The following HAUS2 variants were observed in gnomAD, a reference collection of about 807,000 sequenced individuals.
HAUS2 encodes the protein HAUS augmin like complex subunit 2.
Under a neutral mutation model 21.6 loss-of-function variants are expected in HAUS2, and 20 were observed. The ratio of observed to expected loss-of-function variants is 0.93; its 90% confidence interval spans 0.65 to 1.35. HAUS2 has a LOEUF of 1.35. Ranked by LOEUF, HAUS2 falls within the 40% of genes most tolerant of loss-of-function variation. The pLI is 0.00. For missense variants in HAUS2, 297 were observed against 280.7 expected (o/e 1.06, Z -0.42); for synonymous variants, 113 against 95.6 (o/e 1.18, Z -1.06).
Position 42,555,280 on chromosome 15 carries a change from C to T in HAUS2, c.94-2918C>T, listed in dbSNP as rs1426854408. ...GGATTACAGCCGTGAGCCACGGCGC[C>T]CGGCTGCCTGGCTAATTTTTTTAAT... On this transcript the variant is annotated intron_variant, in intron 1 of 5. Coordinates refer to ENST00000260372, the MANE Select transcript of HAUS2 (RefSeq NM_018097.3). Among the ~76,000 whole-genome samples the T allele has an allele frequency of 2.6e-5, 4 of 152,140 alleles. No individual in the cohort carries two copies. The East Asian group carries it at 5.8e-4, about 22-fold the overall frequency.
chr15:42,553,221 A>G (rs978412320), intron 1 of HAUS2, among the ~76,000 whole-genome samples: 3 of 151,960 alleles, frequency 2.0e-5, no homozygotes, highest in African/African-American at 7.2e-5. Flanking sequence ...TCCTGACCTC[A>G]TGATCCACCT....
intron 1 of HAUS2, among the ~76,000 whole-genome samples, chr15:42,550,159 C>T (rs2057707620): frequency 3.3e-5 from 5 of 151,972 alleles, no homozygotes; most frequent in Admixed American, 1.3e-4. Flanking sequence ...AACTACTCCG[C>T]GGACCACATG....
Position 42,566,680 on chromosome 15 carries a change from G to A in HAUS2, c.572G>A (p.Arg191His), listed in dbSNP as rs777814162. 25 of 1,603,850 alleles carry A rather than the reference G, an allele frequency of 1.6e-5. No homozygotes were observed. The highest frequency in any genetic ancestry group is 2.0e-5 in the Non-Finnish European group (23 of 1,170,888). ...CTGGCAGAGAATATACTCAAGTGGCGTAAACAACAAAACGAAGTTTCGTCT... is the reference window on the plus strand; with the variant it reads ...CTGGCAGAGAATATACTCAAGTGGCATAAACAACAAAACGAAGTTTCGTCT... ...EELAENILKWRKQQNEVSSCI... is the reference protein window; with the variant it reads ...EELAENILKWHKQQNEVSSCI... Residue 191 changes from arginine to histidine, a missense_variant, in exon 6 of 6, where the codon CGT becomes CAT. Transcript: ENST00000260372.
At position 42,568,705 on chromosome 15, in the gene HAUS2, A is replaced by G. The variant is rs1385672800; in HGVS notation, c.*1889A>G. On this transcript the variant is annotated 3_prime_UTR_variant, in exon 6 of 6. Transcript: ENST00000260372. ...CCTACGTGACCAGCCCCCAGTAAAA[A>G]CCCTGGGCACTGTATCTCTAACAAG... 3 of 152,002 alleles carry G rather than the reference A, an allele frequency of 2.0e-5. No individual in the cohort carries two copies. The East Asian group carries it at 5.8e-4, about 29-fold the overall frequency. 9.4% of individuals were successfully genotyped at this position (152,002 alleles called of 1,614,324 possible).
At chr15:42,556,538 C>T (rs556878119) in intron 1 of HAUS2, among the ~76,000 whole-genome samples, 40 of 151,970 alleles carry the variant, frequency 2.6e-4, no homozygotes, top group Non-Finnish European at 2.4e-4. Flanking sequence ...TTCGGGATTA[C>T]GGGCATGAGC....
chr15:42,566,993 AT>A lies in HAUS2; in HGVS notation c.*178del, dbSNP rs551624354. 1.6e-4 allele frequency: 71 copies of A among 453,144 alleles called. No individual in the cohort carries two copies. The Admixed American group carries it at 2.0e-3, about 13-fold the overall frequency. 28.1% of individuals were successfully genotyped at this position (453,144 alleles called of 1,614,324 possible). A position where few individuals can be genotyped will look rare whatever the true frequency, so the allele number is the denominator to read the frequency against. ...AACTGACTTTTCCTTTGTTTTTCAT[AT>A]ATTTTTATTCTACCTTTCAGTAAAA... is the stretch of plus-strand genomic sequence containing the variant. On this transcript the variant is annotated 3_prime_UTR_variant, in exon 6 of 6. Coordinates refer to ENST00000260372, the MANE Select transcript of HAUS2 (RefSeq NM_018097.3).
intron 1 of HAUS2, among the ~76,000 whole-genome samples, chr15:42,549,307 G>C (rs2057694317): frequency 1.3e-5 from 2 of 152,130 alleles, no homozygotes; most frequent in Admixed American, 6.6e-5. Context: ...GGAAATACGG[G>C]TCGTTCTGTC....
Position 42,549,609 on chromosome 15 carries a change from G to C in HAUS2, c.93+644G>C, listed in dbSNP as rs1445324786. 2.0e-5 allele frequency among the ~76,000 whole-genome samples: 3 copies of C among 151,284 alleles called. No homozygotes were observed. In the South Asian group the frequency reaches 6.3e-4, roughly 32 times the overall value. On this transcript the variant is annotated intron_variant, in intron 1 of 5. Coordinates refer to ENST00000260372, the MANE Select transcript of HAUS2 (RefSeq NM_018097.3). ...CTACAGGCGCCCACCACCACACCCA[G>C]CTAATTTTTTTTTGTATGTTTAGTA...
intron 1 of HAUS2, among the ~76,000 whole-genome samples, chr15:42,550,472 A>ACTCTCCCT (rs1185744114): frequency 1.3e-5 from 2 of 151,982 alleles, no homozygotes; most frequent in African/African-American, 4.8e-5. Flanking sequence ...AGATCTTAGT[A>ACTCTCCCT]CTCTCCCTTT....
rs2057912802 is a variant in HAUS2 at position 42,566,920 on chromosome 15, G to C, written c.*104G>C. 3.2e-6 allele frequency: 2 copies of C among 620,758 alleles called. No individual in the cohort carries two copies. Among genetic ancestry groups the C allele is most frequent in the Admixed American group, 5.8e-5 (2 of 34,780 alleles). The allele number at this position is 620,758 out of a possible 1,614,324, so 38.5% of individuals were successfully genotyped here. A position where few individuals can be genotyped will look rare whatever the true frequency, so the allele number is the denominator to read the frequency against. The stretch of plus-strand genomic sequence containing the variant: ...GTCTTTGCTGCTGGTAATACTGAAA[G>C]AACCTGCTTTATATTGGAGTATCAA... On this transcript the variant is annotated 3_prime_UTR_variant, in exon 6 of 6. Coordinates refer to ENST00000260372, the MANE Select transcript of HAUS2 (RefSeq NM_018097.3).
intron 4 of HAUS2, among the ~76,000 whole-genome samples, chr15:42,561,985 T>C (rs2057857823): frequency 4.0e-5 from 6 of 151,780 alleles, no homozygotes; most frequent in Admixed American, 3.9e-4. Flanking sequence ...AATACTAGCC[T>C]GGACAACATG....
intron 1 of HAUS2, among the ~76,000 whole-genome samples, chr15:42,556,139 T>C (rs2057771734): frequency 6.7e-6 from 1 of 150,356 alleles, no homozygotes. Flanking sequence ...TTTTTTTTTT[T>C]TGAATAGAGA....
chr15:42,552,184 G>A (rs941631345), intron 1 of HAUS2, among the ~76,000 whole-genome samples: 1 of 151,768 alleles, frequency 6.6e-6, no homozygotes, highest in African/African-American at 2.4e-5. Context: ...CACCACGCCC[G>A]GCTAATTTTT....
At chr15:42,556,124 T>C (rs1566831202) in intron 1 of HAUS2, among the ~76,000 whole-genome samples, 1 of 144,140 alleles carries the variant, frequency 6.9e-6, no homozygotes, top group Non-Finnish European at 1.5e-5. Context: ...CCTGGCTAAT[T>C]TTTTTTTTTT....
chr15:42,563,210 A>G (rs1325773904), intron 4 of HAUS2, among the ~76,000 whole-genome samples: 1 of 151,874 alleles, frequency 6.6e-6, no homozygotes, highest in Non-Finnish European at 1.5e-5. Context: ...AGGTCAGGAG[A>G]TCGAGACCAT....
intron 1 of HAUS2, among the ~76,000 whole-genome samples, chr15:42,557,963 G>A (rs1360423460): frequency 6.6e-6 from 1 of 152,026 alleles, no homozygotes; most frequent in Non-Finnish European, 1.5e-5. Context: ...TAATACAAAG[G>A]GAGTGTGTTG....
chr15:42,554,327 T>G (rs1361485465), intron 1 of HAUS2, among the ~76,000 whole-genome samples: 1 of 152,104 alleles, frequency 6.6e-6, no homozygotes, highest in Non-Finnish European at 1.5e-5. Context: ...ACATAAAATT[T>G]ACTATTTTAA....
intron 3 of HAUS2, chr15:42,560,704 T>G: frequency 3.0e-6 from 2 of 670,450 alleles, no homozygotes; most frequent in Non-Finnish European, 5.4e-6. Flanking sequence ...TGGTTTCAAC[T>G]GATTCTCTCA....
At chr15:42,553,878 A>G (rs1334182489) in intron 1 of HAUS2, among the ~76,000 whole-genome samples, 3 of 152,216 alleles carry the variant, frequency 2.0e-5, no homozygotes, top group Non-Finnish European at 4.4e-5. Context: ...GGGTCAGCTG[A>G]TATGATGGAA....
Sources: allele counts gnomAD v4.1 joint callset (sites outside exome capture counted in the v4.1 genomes callset), GRCh38; gene constraint gnomAD v4.1.1; transcripts MANE v1.5; gene names NCBI Gene and HGNC (gene_info 2026-07-23, HGNC 2026-07-21).